Variants in PCDH15 observed in about 807,000 individuals in gnomAD.
PCDH15 encodes the protein protocadherin-15.
In PCDH15, 129 loss-of-function variants were observed where a neutral mutation model predicts 178.5. That is an observed-to-expected ratio of 0.72 (90% CI 0.63 to 0.84). PCDH15 has a LOEUF of 0.84. Ranked by LOEUF, PCDH15 falls within the 40% of genes least tolerant of loss-of-function variation. PCDH15 has a pLI of 0.00. For synonymous variants in PCDH15, 800 were observed against 732.0 expected, an observed-to-expected ratio of 1.09 and a Z score of -1.50; for missense variants, 2,230 against 2,099.9, an observed-to-expected ratio of 1.06 and a Z score of -1.21.
chr10:54,934,983 A>T (rs914215002), intron 2 of PCDH15, among the ~76,000 whole-genome samples: 2 of 151,946 alleles, frequency 1.3e-5, no homozygotes, highest in African/African-American at 2.4e-5. Flanking sequence ...GCAAGGACAA[A>T]AAAACCAAAC....
chr10:54,674,233 G>A (rs1012492963), intron 1 of PCDH15, among the ~76,000 whole-genome samples: 1 of 152,074 alleles, frequency 6.6e-6, no homozygotes, highest in African/African-American at 2.4e-5. Flanking sequence ...ATTCTCTCAA[G>A]AACTAAGTTT....
intron 1 of PCDH15, among the ~76,000 whole-genome samples, chr10:55,281,672 A>T (rs929843511): frequency 6.6e-6 from 1 of 152,110 alleles, no homozygotes; most frequent in Non-Finnish European, 1.5e-5. Context: ...ACCAATCATC[A>T]TCTCCGTGGA....
At chr10:55,384,816 CCTA>C (rs1837613079) in intron 2 of PCDH15, among the ~76,000 whole-genome samples, 1 of 152,088 alleles carries the variant, frequency 6.6e-6, no homozygotes, top group Non-Finnish European at 1.5e-5. Flanking sequence ...ATTCATTACA[CCTA>C]CTGTGGATCA....
rs545014464 is a variant in PCDH15 at position 55,283,609 on chromosome 10, C to G, written c.-156+35990G>C. Among the ~76,000 whole-genome samples the G allele has an allele frequency of 2.6e-5, 4 of 151,412 alleles. No homozygotes were observed. The East Asian group carries it at 5.8e-4, about 22-fold the overall frequency. On this transcript the variant is annotated intron_variant, in intron 1 of 5. Coordinates refer to the PCDH15 transcript ENST00000458638. ...TCCTTTTGTCCTGTCTTCCTCCATT[C>G]TTGCCCACCTGCTTTCTATCCAGTC...
At chr10:55,072,496 A>G (rs1444970736) in intron 2 of PCDH15, among the ~76,000 whole-genome samples, 1 of 152,206 alleles carries the variant, frequency 6.6e-6, no homozygotes, top group Non-Finnish European at 1.5e-5. Flanking sequence ...TAGAAAATCT[A>G]GAAGAAATGG....
chr10:54,717,641 G>A (rs1248018141), intron 1 of PCDH15, among the ~76,000 whole-genome samples: 1 of 131,100 alleles, frequency 7.6e-6, no homozygotes, highest in East Asian at 2.1e-4. Flanking sequence ...GGAGAAATAG[G>A]AACACTTTTA....
intron 2 of PCDH15, among the ~76,000 whole-genome samples, chr10:54,994,290 A>T (rs1839581279): frequency 1.3e-5 from 2 of 152,176 alleles, no homozygotes; most frequent in Non-Finnish European, 2.9e-5. Flanking sequence ...CAGTTTCACA[A>T]AGACAAATCC....
At chr10:55,384,920 C>T (rs191442227) in intron 2 of PCDH15, among the ~76,000 whole-genome samples, 1 of 152,106 alleles carries the variant, frequency 6.6e-6, no homozygotes, top group Non-Finnish European at 1.5e-5. Flanking sequence ...CAAAAATAAA[C>T]TCACATTAGG....
At chr10:54,117,343 TG>T (rs2095132937) in intron 15 of PCDH15, among the ~76,000 whole-genome samples, 1 of 152,006 alleles carries the variant, frequency 6.6e-6, no homozygotes, top group Non-Finnish European at 1.5e-5. Context: ...GAGGGGAATA[TG>T]GTGGCTTGTG....
chr10:54,832,762 CA>C (rs1339404180), intron 3 of PCDH15, among the ~76,000 whole-genome samples: 7 of 152,036 alleles, frequency 4.6e-5, no homozygotes, highest in Non-Finnish European at 8.8e-5. Flanking sequence ...TGCAATATGA[CA>C]AAAAACATTA....
chr10:53,852,001 G>T (rs1005475716), intron 28 of PCDH15, among the ~76,000 whole-genome samples: 3 of 151,772 alleles, frequency 2.0e-5, no homozygotes, highest in African/African-American at 7.3e-5. Context: ...TGAGAAATAA[G>T]TTGTCAGTTC....
chr10:55,057,332 G>A (rs920550854), intron 2 of PCDH15, among the ~76,000 whole-genome samples: 5 of 151,996 alleles, frequency 3.3e-5, no homozygotes, highest in South Asian at 4.2e-4. Context: ...AAAACCAAAA[G>A]AAACAAACAA....
At chr10:54,147,706 G>A (rs2044128838) in intron 14 of PCDH15, among the ~76,000 whole-genome samples, 1 of 151,638 alleles carries the variant, frequency 6.6e-6, no homozygotes, top group African/African-American at 2.4e-5. Flanking sequence ...TAAAAGTCTT[G>A]AATATTAAAA....
intron 3 of PCDH15, among the ~76,000 whole-genome samples, chr10:54,493,328 T>C (rs2079785108): frequency 6.6e-6 from 1 of 152,038 alleles, no homozygotes. Flanking sequence ...CAAACAAAAC[T>C]CATAGAATGG....
intron 2 of PCDH15, among the ~76,000 whole-genome samples, chr10:55,598,920 A>G (rs1843001133): frequency 6.6e-6 from 1 of 152,144 alleles, no homozygotes; most frequent in Admixed American, 6.5e-5. Context: ...AGATTTCATT[A>G]CAACCTGATC....
At chr10:54,879,174 C>T (rs1439297675) in intron 3 of PCDH15, among the ~76,000 whole-genome samples, 4 of 119,638 alleles carry the variant, frequency 3.3e-5, no homozygotes, top group Admixed American at 8.6e-5. Flanking sequence ...GAGCAGACCA[C>T]GTGCTGTTTG....
chr10:53,962,749 AT>A (rs1438656026), intron 21 of PCDH15, among the ~76,000 whole-genome samples: 1 of 152,212 alleles, frequency 6.6e-6, no homozygotes, highest in Non-Finnish European at 1.5e-5. Flanking sequence ...AACAATTAAA[AT>A]TTGATAAGTT....
chr10:54,395,599 A>T (rs1350978334), intron 3 of PCDH15, among the ~76,000 whole-genome samples: 3 of 151,998 alleles, frequency 2.0e-5, no homozygotes, highest in African/African-American at 7.3e-5. Flanking sequence ...TTTTGATTAA[A>T]GTCACAGTTT....
chr10:54,610,202 T>A (rs1293511291), intron 2 of PCDH15, among the ~76,000 whole-genome samples: 1 of 148,762 alleles, frequency 6.7e-6, no homozygotes, highest in African/African-American at 2.5e-5. Context: ...ATATAGTATT[T>A]CACCTCAGAA....
Sources: gnomAD v4.1 joint callset for allele counts (sites outside exome capture counted in the v4.1 genomes callset) on GRCh38, gnomAD v4.1.1 for gene constraint, MANE v1.5 for transcripts, NCBI Gene and HGNC (gene_info 2026-07-23, HGNC 2026-07-21) for gene names.